NUDT4: variants seen among roughly 807,000 people sequenced by gnomAD.
NUDT4 encodes the protein diphosphoinositol polyphosphate phosphohydrolase 2.
Under a neutral mutation model 23.1 loss-of-function variants are expected in NUDT4, and 5 were observed. The ratio of observed to expected loss-of-function variants is 0.22; its 90% CI spans 0.11 to 0.46. The LOEUF (loss-of-function observed/expected upper bound fraction) is 0.46. Ranked by LOEUF, NUDT4 falls within the 20% of genes least tolerant of loss-of-function variation. The pLI, the probability that NUDT4 is intolerant of heterozygous loss-of-function variation, is 0.99. For missense variants in NUDT4, 96 were observed against 211.6 expected, an observed-to-expected ratio of 0.45 and a Z score of 3.39; for synonymous variants, 50 against 79.0, an observed-to-expected ratio of 0.63 and a Z score of 1.95.
intron 1 of NUDT4, among the ~76,000 whole-genome samples, chr12:93,378,981 A>G (rs959389906): frequency 6.6e-6 from 1 of 152,188 alleles, no homozygotes; most frequent in South Asian, 2.1e-4. Context: ...ATTATGCCTC[A>G]TTTTTAAAAC....
intron 1 of NUDT4, among the ~76,000 whole-genome samples, chr12:93,393,551 T>C (rs1489586862): frequency 6.6e-6 from 1 of 152,158 alleles, no homozygotes; most frequent in Non-Finnish European, 1.5e-5. Flanking sequence ...CCAGACAATA[T>C]GTAAAAATGA....
chr12:93,406,190 C>T lies in NUDT4; in HGVS notation c.*6811C>T, dbSNP rs925050341. 7.1e-6 allele frequency: 1 copy of T among 140,972 alleles called. No individual in the cohort carries two copies. Among genetic ancestry groups the T allele is most frequent in the Non-Finnish European group, 1.5e-5 (1 of 66,138 alleles). The allele number at this position is 140,972 out of a possible 1,614,324, so 8.7% of individuals were successfully genotyped here. ...GGCTGAGGCAGGAGAATCGCTTGAA[C>T]GCGGGAGGCAGAACCTGCAGTGAGC... On this transcript the variant is annotated 3_prime_UTR_variant, in exon 5 of 5. Coordinates refer to ENST00000415493, the MANE Select transcript of NUDT4 (RefSeq NM_019094.6).
chr12:93,378,652 C>T, intron 1 of NUDT4: 1 of 1,192,700 alleles, frequency 8.4e-7, no homozygotes, highest in Non-Finnish European at 1.0e-6. Flanking sequence ...TCCATCTGGG[C>T]ACTCGAGAAG....
At chr12:93,398,592 A>C (rs1335491894) in intron 3 of NUDT4, among the ~76,000 whole-genome samples, 179 bp from the exon 4 acceptor site, 2 of 152,126 alleles carry the variant, frequency 1.3e-5, no homozygotes, top group Admixed American at 6.6e-5. Flanking sequence ...TTAACTTTTA[A>C]ATGTTTTGTC....
chr12:93,386,879 C>T (rs1876138605), intron 1 of NUDT4, among the ~76,000 whole-genome samples: 1 of 152,128 alleles, frequency 6.6e-6, no homozygotes, highest in African/African-American at 2.4e-5. Context: ...AATGAAAGTA[C>T]ACCTTCTTAT....
rs1877897410 is a variant in NUDT4, at chr12:93,407,787, C to CAAGG, written c.*8408_*8409insAAGG. The CAAGG allele has an allele frequency of 6.6e-6, 1 of 152,264 alleles. No individual in the cohort carries two copies. The highest frequency in any genetic ancestry group is 2.4e-5 in the African/African-American group (1 of 41,474). 9.4% of individuals were successfully genotyped at this position (152,264 alleles called of 1,614,324 possible). A position where few individuals can be genotyped will look rare whatever the true frequency, so the allele number is the denominator to read the frequency against. ...CAGGTGAAGCTGCAGTTTTCAACTG[C>CAAGG]TGCCTTGGCCTCTCCCAGAGCCCCT... is the stretch of plus-strand genomic sequence containing the variant. On this transcript the variant is annotated 3_prime_UTR_variant, in exon 5 of 5. Coordinates refer to ENST00000415493, the MANE Select transcript of NUDT4 (RefSeq NM_019094.6).
At chr12:93,381,014 C>T (rs2120849352) in intron 1 of NUDT4, 1 of 152,314 alleles carries the variant, frequency 6.6e-6, no homozygotes, top group Non-Finnish European at 1.5e-5. Flanking sequence ...TCTGGCTGTT[C>T]CTGTACTGAA....
chr12:93,383,459 A>ATT (rs1246016512), intron 1 of NUDT4, among the ~76,000 whole-genome samples: 1 of 138,796 alleles, frequency 7.2e-6, no homozygotes, highest in East Asian at 2.7e-4. Context: ...GTGTAGTAGA[A>ATT]TTAGGTTAAC....
Position 93,405,505 on chromosome 12 carries a change from G to T in NUDT4, c.*6126G>T, listed in dbSNP as rs73366047. 6.6e-6 allele frequency: 1 copy of T among 152,108 alleles called. No individual in the cohort carries two copies. Among genetic ancestry groups the T allele is most frequent in the Non-Finnish European group, 1.5e-5 (1 of 68,044 alleles). 9.4% of individuals were successfully genotyped at this position (152,108 alleles called of 1,614,324 possible). A position where few individuals can be genotyped will look rare whatever the true frequency, so the allele number is the denominator to read the frequency against. On this transcript the variant is annotated 3_prime_UTR_variant, in exon 5 of 5. Transcript: ENST00000415493. ...AACTGGGAGAGGGCCGGGGAGACCC[G>T]AACTCTTAATATTGGATTCCACACA...
At chr12:93,389,389 T>C (rs1876326266) in intron 1 of NUDT4, among the ~76,000 whole-genome samples, 1 of 151,794 alleles carries the variant, frequency 6.6e-6, no homozygotes, top group Admixed American at 6.6e-5. Context: ...GGAGAATCGC[T>C]TGAACCGGGG....
intron 1 of NUDT4, among the ~76,000 whole-genome samples, chr12:93,379,773 A>G (rs957240027): frequency 6.6e-6 from 1 of 152,246 alleles, no homozygotes; most frequent in Non-Finnish European, 1.5e-5. Context: ...GAACAAGTCA[A>G]CAAGCATTAA....
At chr12:93,397,055 C>T (rs71458507) in intron 3 of NUDT4, among the ~76,000 whole-genome samples, 7,160 of 152,180 alleles carry the variant, frequency 0.047, 205 homozygotes, top group Non-Finnish European at 0.065. Flanking sequence ...ATAAATAAAG[C>T]TTAAATAATA....
rs1159584280 is a variant in NUDT4 at position 93,401,355 on chromosome 12, ATTTC to A, written c.*1977_*1980del. 6.1e-5 allele frequency: 9 copies of A among 147,776 alleles called. No homozygotes were observed. Among genetic ancestry groups the A allele is most frequent in the Non-Finnish European group, 1.2e-4 (8 of 66,622 alleles). The allele number at this position is 147,776 out of a possible 1,614,324, so 9.2% of individuals were successfully genotyped here. ...ATTTTTTTGGTCAGTAATCTCTGAA[ATTTC>A]CTTAAATTATATACTTAACATAGCA... is the stretch of plus-strand genomic sequence containing the variant. On this transcript the variant is annotated 3_prime_UTR_variant, in exon 5 of 5. Transcript: ENST00000415493.
At chr12:93,397,008 T>C (rs1464514458) in intron 3 of NUDT4, among the ~76,000 whole-genome samples, 1 of 152,218 alleles carries the variant, frequency 6.6e-6, no homozygotes, top group Non-Finnish European at 1.5e-5. Flanking sequence ...CATTTGTCAA[T>C]ATGCTGACAA....
At chr12:93,392,545 C>T (rs1407604142) in intron 1 of NUDT4, among the ~76,000 whole-genome samples, 2 of 151,154 alleles carry the variant, frequency 1.3e-5, no homozygotes, top group African/African-American at 4.9e-5. Flanking sequence ...GCATGAGCCA[C>T]TGCGCCCGGC....
intron 1 of NUDT4, among the ~76,000 whole-genome samples, chr12:93,393,752 G>T (rs1425001731): frequency 6.6e-6 from 1 of 152,164 alleles, no homozygotes; most frequent in Non-Finnish European, 1.5e-5. Flanking sequence ...ATGTATGCAG[G>T]TTTAAAATGT....
intron 1 of NUDT4, among the ~76,000 whole-genome samples, chr12:93,382,393 A>G (rs1251973362): frequency 6.6e-6 from 1 of 152,144 alleles, no homozygotes; most frequent in East Asian, 1.9e-4. Context: ...CTGAATATAT[A>G]TTCCTGAAAA....
At chr12:93,378,464 G>T in intron 1 of NUDT4, 43 bp downstream of exon 1, 2 of 1,503,580 alleles carry the variant, frequency 1.3e-6, no homozygotes, top group Non-Finnish European at 1.8e-6. Flanking sequence ...GGGCGCCGGG[G>T]TCTAGGGCCC....
intron 3 of NUDT4, among the ~76,000 whole-genome samples, chr12:93,397,647 T>C (rs1046605470): frequency 3.9e-5 from 6 of 152,106 alleles, no homozygotes; most frequent in Non-Finnish European, 7.4e-5. Flanking sequence ...CACTTCAGCC[T>C]CCCAAGTAGC....
Sources: allele counts gnomAD v4.1 joint callset (sites outside exome capture counted in the v4.1 genomes callset), GRCh38; gene constraint gnomAD v4.1.1; transcripts MANE v1.5; gene names NCBI Gene and HGNC (gene_info 2026-07-23, HGNC 2026-07-21).